Variants in TMEM163 observed in about 807,000 individuals in gnomAD.
The protein encoded by TMEM163 is transmembrane protein 163.
TMEM163 carries 17 observed loss-of-function variants against 29.3 expected under a neutral mutation model. The observed-to-expected ratio is 0.58, with a 90% CI of 0.40 to 0.87. The LOEUF (loss-of-function observed/expected upper bound fraction) is 0.87. Among genes scored for constraint, TMEM163 ranks in the 40% least tolerant of loss-of-function variants. The probability of loss-of-function intolerance (pLI) is 0.00; values close to 1 mark genes in which losing one functional copy is unlikely to be tolerated. For synonymous variants in TMEM163, 157 were observed against 160.6 expected, an observed-to-expected ratio of 0.98 and a Z score of 0.17; for missense variants, 303 against 381.5, an observed-to-expected ratio of 0.79 and a Z score of 1.71.
intron 2 of TMEM163, among the ~76,000 whole-genome samples, chr2:134,599,850 C>A (rs777553034): frequency 6.7e-4 from 102 of 151,900 alleles, no homozygotes; most frequent in Non-Finnish European, 1.3e-3. Flanking sequence ...TCTACTTTTT[C>A]ATTAACAAAA....
intron 2 of TMEM163, among the ~76,000 whole-genome samples, chr2:134,632,877 G>A (rs1682999092): frequency 1.3e-5 from 2 of 151,476 alleles, no homozygotes; most frequent in Non-Finnish European, 1.5e-5. Flanking sequence ...GGAGTAGCTG[G>A]GACGACAGGC....
intron 2 of TMEM163, among the ~76,000 whole-genome samples, chr2:134,594,972 T>C (rs2104805182): frequency 1.3e-5 from 2 of 151,976 alleles, no homozygotes; most frequent in South Asian, 4.1e-4. Context: ...AATAGGTTAC[T>C]GAAAAACAAC....
At chr2:134,469,496 G>A (rs1180056438) in intron 5 of TMEM163, 2 of 152,240 alleles carry the variant, frequency 1.3e-5, no homozygotes, top group African/African-American at 4.8e-5. Context: ...CGTGCACAGA[G>A]CTCAACTGGA....
chr2:134,657,622 G>A (rs1214998817), intron 2 of TMEM163, among the ~76,000 whole-genome samples: 1 of 152,028 alleles, frequency 6.6e-6, no homozygotes, highest in Non-Finnish European at 1.5e-5. Flanking sequence ...GACTAACATG[G>A]TGAAACCCCA....
chr2:134,532,812 T>C (rs1324313817), intron 4 of TMEM163, among the ~76,000 whole-genome samples: 2 of 152,238 alleles, frequency 1.3e-5, no homozygotes, highest in Non-Finnish European at 2.9e-5. Flanking sequence ...ATGTTCCTCA[T>C]TGTTCTATGC....
At chr2:134,644,632 A>C (rs1683294858) in intron 2 of TMEM163, among the ~76,000 whole-genome samples, 2 of 152,216 alleles carry the variant, frequency 1.3e-5, no homozygotes, top group African/African-American at 4.8e-5. Flanking sequence ...AATAGATAAT[A>C]AATCTAAGTG....
intron 6 of TMEM163, among the ~76,000 whole-genome samples, chr2:134,461,887 A>G (rs1350234605): frequency 1.3e-5 from 2 of 152,230 alleles, no homozygotes; most frequent in East Asian, 3.9e-4. Flanking sequence ...GGAACCCCCA[A>G]CGTTCATGAC....
At chr2:134,692,640 G>A (rs947046058) in intron 2 of TMEM163, among the ~76,000 whole-genome samples, 7 of 152,152 alleles carry the variant, frequency 4.6e-5, no homozygotes, top group Non-Finnish European at 8.8e-5. Context: ...TCACACGGCC[G>A]TTCCTCAGTG....
intron 4 of TMEM163, among the ~76,000 whole-genome samples, chr2:134,547,221 T>G (rs1164479629): frequency 6.6e-6 from 1 of 152,170 alleles, no homozygotes; most frequent in Admixed American, 6.6e-5. Context: ...AAATAAAAAT[T>G]CACAATAAAA....
chr2:134,502,708 G>A (rs957488056), intron 5 of TMEM163, among the ~76,000 whole-genome samples, 193 bp downstream of exon 5: 2 of 152,118 alleles, frequency 1.3e-5, no homozygotes, highest in African/African-American at 2.4e-5. Flanking sequence ...TCACCTATCT[G>A]GAGTCTCTTC....
At chr2:134,610,060 G>A (rs1682465259) in intron 2 of TMEM163, among the ~76,000 whole-genome samples, 1 of 152,242 alleles carries the variant, frequency 6.6e-6, no homozygotes, top group Non-Finnish European at 1.5e-5. Context: ...AGCAGAAAGG[G>A]GAAGAGGGAG....
chr2:134,706,978 C>T (rs936885362), intron 2 of TMEM163, among the ~76,000 whole-genome samples: 3 of 152,178 alleles, frequency 2.0e-5, no homozygotes, highest in Non-Finnish European at 2.9e-5. Flanking sequence ...GTTCCCAAAC[C>T]GCTGGTCTGC....
chr2:134,609,894 G>A (rs1222961694), intron 2 of TMEM163, among the ~76,000 whole-genome samples: 1 of 151,926 alleles, frequency 6.6e-6, no homozygotes, highest in Non-Finnish European at 1.5e-5. Context: ...AAGGAGGACA[G>A]ACCCCGAGAA....
intron 2 of TMEM163, among the ~76,000 whole-genome samples, chr2:134,711,097 C>T (rs1175566756): frequency 6.6e-6 from 1 of 152,320 alleles, no homozygotes; most frequent in Non-Finnish European, 1.5e-5. Context: ...TTAAACATAA[C>T]TTCGAAAGTC....
At chr2:134,456,834 G>GA (rs1293122664) in intron 7 of TMEM163, 58 bp from the exon 8 acceptor site, 11 of 1,555,564 alleles carry the variant, frequency 7.1e-6, no homozygotes, top group African/African-American at 1.4e-5. Flanking sequence ...AGAGCTTGGG[G>GA]AAGCGTATTT....
intron 2 of TMEM163, 75 bp from the exon 3 acceptor site, chr2:134,552,166 G>T: frequency 3.3e-6 from 4 of 1,205,038 alleles, no homozygotes; most frequent in Non-Finnish European, 4.7e-6. Flanking sequence ...ACATTACATG[G>T]CCTTTTAAAC....
intron 4 of TMEM163, among the ~76,000 whole-genome samples, chr2:134,508,369 A>G (rs1171015168): frequency 6.6e-6 from 1 of 152,242 alleles, no homozygotes; most frequent in African/African-American, 2.4e-5. Context: ...TTGTAATCTG[A>G]GACAGTGCTC....
At chr2:134,546,090 A>C (rs1680776034) in intron 4 of TMEM163, among the ~76,000 whole-genome samples, 1 of 152,196 alleles carries the variant, frequency 6.6e-6, no homozygotes, top group Non-Finnish European at 1.5e-5. Flanking sequence ...TTTGGAACTT[A>C]AAAAAACTAG....
At chr2:134,613,945 C>A (rs1428845292) in intron 2 of TMEM163, among the ~76,000 whole-genome samples, 2 of 152,026 alleles carry the variant, frequency 1.3e-5, no homozygotes, top group Non-Finnish European at 2.9e-5. Flanking sequence ...GTAAAAATCC[C>A]AGTAAGGTTT....
Sources: allele counts gnomAD v4.1 joint callset (sites outside exome capture counted in the v4.1 genomes callset), GRCh38; gene constraint gnomAD v4.1.1; transcripts MANE v1.5; gene names NCBI Gene and HGNC (gene_info 2026-07-23, HGNC 2026-07-21).